Variants in AS3MT observed in about 807,000 individuals in gnomAD.
AS3MT encodes the protein arsenite methyltransferase.
A neutral mutation model predicts 45.3 loss-of-function variants in AS3MT; 47 were observed. The ratio of observed to expected loss-of-function variants is 1.04; its 90% CI spans 0.82 to 1.32. The LOEUF (loss-of-function observed/expected upper bound fraction) is 1.32. Among genes scored for constraint, AS3MT ranks in the 40% most tolerant of loss-of-function variants. The pLI is 0.00. For synonymous variants in AS3MT, 141 were observed against 152.8 expected, an observed-to-expected ratio of 0.92 and a Z score of 0.57; for missense variants, 396 against 451.1, an observed-to-expected ratio of 0.88 and a Z score of 1.11.
chr10:102,879,169 A>T (rs1844834935), intron 9 of AS3MT, among the ~76,000 whole-genome samples, 178 bp downstream of exon 9: 1 of 151,966 alleles, frequency 6.6e-6, no homozygotes, highest in Admixed American at 6.6e-5. Context: ...CCCAATACTT[A>T]TTTATTTATT....
rs138226486 is a variant in AS3MT at position 102,900,139 on chromosome 10, T to C, written c.1021-454T>C. ...TCTACTCTGAGATCTGTCTGGCCAT[T>C]GTTGGCAATTTCATCTGAGCATCAG... On this transcript the variant is annotated intron_variant, in intron 10 of 10. Coordinates refer to ENST00000369880, the MANE Select transcript of AS3MT (RefSeq NM_020682.4). 7.4e-4 allele frequency among the ~76,000 whole-genome samples: 112 copies of C among 152,352 alleles called. 1 individual carries two copies. The highest frequency in any genetic ancestry group is 2.6e-3 in the African/African-American group (109 of 41,586).
chr10:102,870,849 T>C (rs1844667953), intron 3 of AS3MT, among the ~76,000 whole-genome samples: 2 of 152,212 alleles, frequency 1.3e-5, no homozygotes, highest in Non-Finnish European at 2.9e-5. Flanking sequence ...CTCTAATCCT[T>C]GAGCGGCCTC....
chr10:102,890,704 A>C, intron 10 of AS3MT, 26 bp downstream of exon 10: 1 of 1,592,330 alleles, frequency 6.3e-7, no homozygotes. Context: ...ACTACCTGAG[A>C]GAACTATTTT....
chr10:102,876,916 TTAATCATCTTGTTTGGAC>T lies in AS3MT; in HGVS notation c.529-33_529-16del. 1 of 1,585,304 alleles carries T rather than the reference TTAATCATCTTGTTTGGAC, an allele frequency of 6.3e-7. No individual in the cohort carries two copies. Among genetic ancestry groups the T allele is most frequent in the Non-Finnish European group, 8.7e-7 (1 of 1,154,304 alleles). On this transcript the variant is annotated intron_variant, in intron 6 of 10. Coordinates refer to ENST00000369880, the MANE Select transcript of AS3MT (RefSeq NM_020682.4). ...TTGTTATGTGGGGTCAATGTAATCA[TTAATCATCTTGTTTGGAC>T]TAATATGCCTCTGTTTCAGCATGGT...
intron 10 of AS3MT, among the ~76,000 whole-genome samples, chr10:102,895,251 G>A (rs1845144842): frequency 6.6e-6 from 1 of 151,006 alleles, no homozygotes; most frequent in Non-Finnish European, 1.5e-5. Flanking sequence ...AGGCTGGAGT[G>A]CAGTGGCACG....
At chr10:102,892,323 C>G (rs1045256163) in intron 10 of AS3MT, among the ~76,000 whole-genome samples, 1 of 152,140 alleles carries the variant, frequency 6.6e-6, no homozygotes, top group African/African-American at 2.4e-5. Context: ...CTGCTTTTCA[C>G]TGCAAATTCC....
At chr10:102,890,800 T>C (rs1332117807) in intron 10 of AS3MT, 122 bp downstream of exon 10, 1 of 890,710 alleles carries the variant, frequency 1.1e-6, no homozygotes, top group Non-Finnish European at 1.6e-6. Flanking sequence ...AACCTCCGCC[T>C]CCTGGGTTCA....
chr10:102,874,733 C>T (rs965648743), intron 6 of AS3MT, 72 bp downstream of exon 6: 13 of 1,135,042 alleles, frequency 1.1e-5, no homozygotes, highest in Non-Finnish European at 1.6e-5. Context: ...TGTTTGTTCC[C>T]CCTTGAACTA....
intron 10 of AS3MT, among the ~76,000 whole-genome samples, chr10:102,891,996 A>G (rs967012422): frequency 4.0e-5 from 6 of 150,364 alleles, no homozygotes; most frequent in African/African-American, 1.2e-4. Flanking sequence ...AGAGAGAGAA[A>G]TGGTTTCAAA....
intron 9 of AS3MT, among the ~76,000 whole-genome samples, chr10:102,887,599 A>G (rs1320566765): frequency 6.6e-6 from 1 of 152,072 alleles, no homozygotes; most frequent in Non-Finnish European, 1.5e-5. Context: ...CTTGATTCAC[A>G]GTCTGTTTTA....
chr10:102,899,543 T>G (rs1845237317), intron 10 of AS3MT, among the ~76,000 whole-genome samples: 1 of 152,176 alleles, frequency 6.6e-6, no homozygotes. Flanking sequence ...GTCTATCAGT[T>G]TCATGAATGT....
In AS3MT at chr10:102,890,580, G is replaced by C. The variant is rs1204911434; in HGVS notation, c.922G>C (p.Ala308Pro). 6.2e-7 allele frequency: 1 copy of C among 1,607,090 alleles called. No homozygotes were observed. The highest frequency in any genetic ancestry group is 1.3e-5 in the African/African-American group (1 of 74,382). Residue 308 changes from alanine (A) to proline (P), a missense_variant, in exon 10 of 11, where the codon GCT (alanine) becomes CCT (proline). Transcript: ENST00000369880. The part of the protein sequence containing the change: ...EIVEVDEETA[A>P]ILKNSRFAQD... ...TGTTGAAGTGGATGAAGAAACAGCA[G>C]CTATCTTGAAGAATTCAAGATTTGC...
rs983801259 is a variant in AS3MT, at chr10:102,881,456, C to T, written c.885+2465C>T. On this transcript the variant is annotated intron_variant, in intron 9 of 10. Coordinates refer to ENST00000369880, the MANE Select transcript of AS3MT (RefSeq NM_020682.4). The surrounding 1 kb of genome is among the most constrained non-coding windows in gnomAD (Gnocchi z 4.2). ...GTAAAGGCGTGCTACTCATTAGATGCTAATCTCATTTACTGAGGAACACAG... is the reference window on the plus strand; with the variant it reads ...GTAAAGGCGTGCTACTCATTAGATGTTAATCTCATTTACTGAGGAACACAG... 2.6e-5 allele frequency among the ~76,000 whole-genome samples: 4 copies of T among 152,146 alleles called. No homozygotes were observed. The highest frequency in any genetic ancestry group is 9.7e-5 in the African/African-American group (4 of 41,436).
chr10:102,895,033 T>C (rs1032056677), intron 10 of AS3MT, among the ~76,000 whole-genome samples: 1 of 152,350 alleles, frequency 6.6e-6, no homozygotes, highest in South Asian at 2.1e-4. Flanking sequence ...TGGTCACTTA[T>C]TTGGCTCAGA....
At chr10:102,869,910 C>G in intron 2 of AS3MT, 65 bp downstream of exon 2, 1 of 1,600,330 alleles carries the variant, frequency 6.2e-7, no homozygotes, top group Non-Finnish European at 8.5e-7. Context: ...TGGCCTGGCC[C>G]GCACCCTGTC....
chr10:102,876,906 A>G lies in AS3MT; in HGVS notation c.529-48A>G, dbSNP rs376758155. 46 of 1,554,008 alleles carry G rather than the reference A, an allele frequency of 3.0e-5. No individual in the cohort carries two copies. The African/African-American group carries it at 5.0e-4, about 17-fold the overall frequency. On this transcript the variant is annotated intron_variant, in intron 6 of 10. Coordinates refer to ENST00000369880, the MANE Select transcript of AS3MT (RefSeq NM_020682.4). Reference sequence around the variant, plus strand: ...ATTCCTTTCTTTGTTATGTGGGGTCAATGTAATCATTAATCATCTTGTTTG... The same window carrying G: ...ATTCCTTTCTTTGTTATGTGGGGTCGATGTAATCATTAATCATCTTGTTTG...
In AS3MT at chr10:102,879,138, G is replaced by T. The variant is rs550171733; in HGVS notation, c.885+147G>T. On this transcript the variant is annotated intron_variant, in intron 9 of 10. Transcript: ENST00000369880. ...TTAAATGTATGTGTGTGTTTCAAGT[G>T]GAGTAAAAAAGCATTTTTTCCCCAA... 6.8e-4 allele frequency: 634 copies of T among 931,970 alleles called. 5 individuals carry two copies. In the South Asian group the frequency reaches 0.011, roughly 16 times the overall value. 57.7% of individuals were successfully genotyped at this position (931,970 alleles called of 1,614,324 possible). A position where few individuals can be genotyped will look rare whatever the true frequency, so the allele number is the denominator to read the frequency against.
At chr10:102,876,875 T>C in intron 6 of AS3MT, 79 bp from the exon 7 acceptor site, 1 of 1,360,494 alleles carries the variant, frequency 7.4e-7, no homozygotes, top group Non-Finnish European at 1.0e-6. Context: ...TTGATTTTGT[T>C]CCCCTATTCC....
chr10:102,885,103 G>C (rs1036372536), intron 9 of AS3MT, among the ~76,000 whole-genome samples: 1 of 151,968 alleles, frequency 6.6e-6, no homozygotes, highest in Non-Finnish European at 1.5e-5. Flanking sequence ...TTATTAAACT[G>C]GATTTTGTAC....
Sources: allele counts gnomAD v4.1 joint callset (sites outside exome capture counted in the v4.1 genomes callset), GRCh38; gene constraint gnomAD v4.1.1; non-coding constraint Gnocchi (gnomAD v3.1); transcripts MANE v1.5; gene names NCBI Gene and HGNC (gene_info 2026-07-23, HGNC 2026-07-21).